Variants in CTNNA3 observed in about 807,000 individuals in gnomAD.
CTNNA3 encodes the protein catenin alpha 3, also known as catenin alpha-3.
In CTNNA3, 76 loss-of-function variants were observed where a neutral mutation model predicts 95.7. The observed-to-expected ratio is 0.79, with a 90% CI of 0.66 to 0.96. The LOEUF (loss-of-function observed/expected upper bound fraction) is 0.96. CTNNA3 is among the 40% of genes least tolerant of loss of function. The pLI, the probability that CTNNA3 is intolerant of heterozygous loss-of-function variation, is 0.00. For synonymous variants in CTNNA3, 431 were observed against 374.4 expected, an observed-to-expected ratio of 1.15 and a Z score of -1.74; for missense variants, 1,191 against 1,089.8, an observed-to-expected ratio of 1.09 and a Z score of -1.31.
intron 7 of CTNNA3, among the ~76,000 whole-genome samples, chr10:66,832,613 G>A (rs1279875251): frequency 6.6e-6 from 1 of 150,990 alleles, no homozygotes; most frequent in Non-Finnish European, 1.5e-5. Context: ...CCTACTAGTT[G>A]TGGATATATC....
intron 1 of CTNNA3, among the ~76,000 whole-genome samples, chr10:67,668,096 C>T (rs1395211056): frequency 6.6e-6 from 1 of 152,102 alleles, no homozygotes; most frequent in African/African-American, 2.4e-5. Context: ...CTCTCCTGAA[C>T]TATGTCTCAC....
At chr10:66,293,585 TG>T (rs1212064514) in intron 12 of CTNNA3, among the ~76,000 whole-genome samples, 1 of 152,098 alleles carries the variant, frequency 6.6e-6, no homozygotes, top group Non-Finnish European at 1.5e-5. Context: ...ATCTGCTACT[TG>T]ATCTGCCTTA....
intron 13 of CTNNA3, among the ~76,000 whole-genome samples, chr10:66,257,223 A>T (rs1033003270): frequency 6.6e-6 from 1 of 152,168 alleles, no homozygotes; most frequent in African/African-American, 2.4e-5. Context: ...AGTAAATCTG[A>T]TTGTGGCTAA....
intron 5 of CTNNA3, among the ~76,000 whole-genome samples, chr10:67,338,591 C>A (rs1842074556): frequency 6.6e-6 from 1 of 152,122 alleles, no homozygotes; most frequent in Admixed American, 6.5e-5. Flanking sequence ...TAGCTAATGG[C>A]AATCACTGAT....
chr10:67,247,294 T>C (rs1865941629), intron 5 of CTNNA3, among the ~76,000 whole-genome samples: 1 of 152,134 alleles, frequency 6.6e-6, no homozygotes, highest in Non-Finnish European at 1.5e-5. Context: ...AGCTAATAAA[T>C]AAGATTGATA....
intron 6 of CTNNA3, among the ~76,000 whole-genome samples, chr10:67,196,916 A>G (rs1421426017): frequency 6.6e-6 from 1 of 152,096 alleles, no homozygotes; most frequent in Non-Finnish European, 1.5e-5. Flanking sequence ...ATGTGTTTAC[A>G]TGTTTGTGTT....
chr10:67,172,970 A>G (rs1299047287), intron 7 of CTNNA3, among the ~76,000 whole-genome samples: 2 of 139,438 alleles, frequency 1.4e-5, no homozygotes, highest in Non-Finnish European at 3.0e-5. Flanking sequence ...GCCAGACCCC[A>G]TCTCAGGAAA....
intron 3 of CTNNA3, among the ~76,000 whole-genome samples, chr10:67,600,142 A>G (rs1023947073): frequency 6.6e-6 from 1 of 152,108 alleles, no homozygotes. Flanking sequence ...CTAAACATCT[A>G]AATGCTTATA....
chr10:66,675,150 C>G (rs1308623011), intron 9 of CTNNA3, among the ~76,000 whole-genome samples: 2 of 152,046 alleles, frequency 1.3e-5, no homozygotes, highest in Admixed American at 1.3e-4. Flanking sequence ...TGTCTACTTG[C>G]CTCTCAGGGC....
At chr10:67,739,225 C>G (rs1841320858) in intron 1 of CTNNA3, among the ~76,000 whole-genome samples, 1 of 152,144 alleles carries the variant, frequency 6.6e-6, no homozygotes. Flanking sequence ...GGAAGCCCAT[C>G]AGACTAACAG....
chr10:67,516,964 T>C lies in CTNNA3; in HGVS notation c.579+4878A>G, dbSNP rs1419713678. ...CTTTTTAAGGCTAAATAATATTTCA[T>C]TGCTTATATGTATACCACATTTTCT... On this transcript the variant is annotated intron_variant, in intron 5 of 17. Transcript: ENST00000433211. 2.6e-5 allele frequency among the ~76,000 whole-genome samples: 4 copies of C among 152,204 alleles called. 1 individual carries two copies. The highest frequency in any genetic ancestry group is 6.5e-5 in the Admixed American group (1 of 15,276).
chr10:66,226,128 CA>C (rs1217460093), intron 13 of CTNNA3, among the ~76,000 whole-genome samples: 1 of 152,048 alleles, frequency 6.6e-6, no homozygotes, highest in African/African-American at 2.4e-5. Context: ...CTCTTAACCA[CA>C]AAAACTTTGC....
intron 2 of CTNNA3, among the ~76,000 whole-genome samples, chr10:67,636,429 G>T (rs1477858703): frequency 6.6e-6 from 1 of 152,124 alleles, no homozygotes; most frequent in East Asian, 1.9e-4. Flanking sequence ...ATACTACAGG[G>T]CTACAGTAAC....
chr10:67,205,226 G>A (rs187567752), intron 6 of CTNNA3, among the ~76,000 whole-genome samples: 17 of 152,254 alleles, frequency 1.1e-4, no homozygotes, highest in Admixed American at 7.8e-4. Flanking sequence ...GCAAGATGGG[G>A]GTTGGTTATA....
chr10:66,527,767 G>A (rs1841320523), intron 10 of CTNNA3, among the ~76,000 whole-genome samples: 2 of 151,994 alleles, frequency 1.3e-5, no homozygotes, highest in Non-Finnish European at 2.9e-5. Flanking sequence ...AAGACACACT[G>A]ATTTTTGTGT....
intron 7 of CTNNA3, among the ~76,000 whole-genome samples, chr10:67,033,917 T>A (rs2133119297): frequency 6.6e-6 from 1 of 152,178 alleles, no homozygotes; most frequent in East Asian, 1.9e-4. Context: ...GATTACAGGC[T>A]TGCGCTACCA....
At chr10:67,656,492 G>A (rs1048103209) in intron 1 of CTNNA3, among the ~76,000 whole-genome samples, 121 of 152,160 alleles carry the variant, frequency 8.0e-4, no homozygotes, top group Non-Finnish European at 1.3e-3. Flanking sequence ...TGCCAATCAC[G>A]AGGAGAGTGT....
chr10:67,403,229 C>A (rs974255378), intron 5 of CTNNA3: 1 of 152,428 alleles, frequency 6.6e-6, no homozygotes, highest in Admixed American at 6.6e-5. Context: ...CCATTCCACC[C>A]CACTGGGCAG....
intron 5 of CTNNA3, among the ~76,000 whole-genome samples, chr10:67,269,991 T>C (rs1253930978): frequency 6.6e-6 from 1 of 152,104 alleles, no homozygotes; most frequent in African/African-American, 2.4e-5. Context: ...TGCTAATGCA[T>C]TTGTATATGA....
Sources: allele counts gnomAD v4.1 joint callset (sites outside exome capture counted in the v4.1 genomes callset), GRCh38; gene constraint gnomAD v4.1.1; transcripts MANE v1.5; gene names NCBI Gene and HGNC (gene_info 2026-07-23, HGNC 2026-07-21).